The following PSD3 variants were observed in gnomAD, a reference collection of about 807,000 sequenced individuals.
PSD3 encodes pleckstrin and Sec7 domain containing 3.
In PSD3, 49 loss-of-function variants were observed where a neutral mutation model predicts 105.5. The ratio of observed to expected loss-of-function variants is 0.46; its 90% confidence interval spans 0.37 to 0.59. PSD3 has a LOEUF of 0.59. Ranked by LOEUF, PSD3 falls within the 20% of genes least tolerant of loss-of-function variation. The pLI is 0.00. For synonymous variants in PSD3, 557 were observed against 457.8 expected (o/e 1.22, Z -2.77); for missense variants, 1,561 against 1,263.8 (o/e 1.24, Z -3.57).
At chr8:18,646,764 T>C (rs1808067361) in intron 10 of PSD3, among the ~76,000 whole-genome samples, 3 of 152,122 alleles carry the variant, frequency 2.0e-5, no homozygotes, top group South Asian at 2.1e-4. Context: ...TACATTTTAA[T>C]TAATATGTAT....
chr8:18,888,164 A>C (rs1818557384), intron 2 of PSD3, among the ~76,000 whole-genome samples: 1 of 152,192 alleles, frequency 6.6e-6, no homozygotes. Context: ...TCGCAAGCCA[A>C]AAATATCCAC....
chr8:18,701,190 G>C (rs1008182063), intron 9 of PSD3, among the ~76,000 whole-genome samples: 3 of 148,392 alleles, frequency 2.0e-5, no homozygotes, highest in African/African-American at 7.4e-5. Context: ...GGTTGGTCTC[G>C]AACTCCTGGG....
intron 14 of PSD3, among the ~76,000 whole-genome samples, chr8:18,556,854 G>A (rs1012252100): frequency 1.1e-4 from 16 of 152,190 alleles, no homozygotes; most frequent in African/African-American, 3.9e-4. Flanking sequence ...CTTCTCTGAA[G>A]CTTACCAGAT....
intron 1 of PSD3, among the ~76,000 whole-genome samples, chr8:18,968,434 G>C (rs909978262): frequency 6.6e-6 from 1 of 152,208 alleles, no homozygotes; most frequent in African/African-American, 2.4e-5. Context: ...AAGGAATCCT[G>C]AGCAAATCAT....
intron 12 of PSD3, among the ~76,000 whole-genome samples, chr8:18,577,148 A>G (rs527377139): frequency 7.9e-5 from 12 of 151,960 alleles, no homozygotes; most frequent in Non-Finnish European, 1.3e-4. Context: ...TGTAGTTTTA[A>G]TTTTTTATCT....
At chr8:18,922,515 G>A (rs1272305383) in intron 2 of PSD3, among the ~76,000 whole-genome samples, 1 of 152,124 alleles carries the variant, frequency 6.6e-6, no homozygotes, top group East Asian at 1.9e-4. Flanking sequence ...GTGACCAAAT[G>A]TTTTCCCCAC....
intron 1 of PSD3, among the ~76,000 whole-genome samples, chr8:18,954,610 C>T (rs1823446702): frequency 6.6e-6 from 1 of 152,160 alleles, no homozygotes; most frequent in Admixed American, 6.5e-5. Context: ...CACTGTCTAT[C>T]ATATTCCAAT....
At chr8:18,884,556 G>A (rs1490707807) in intron 2 of PSD3, among the ~76,000 whole-genome samples, 2 of 152,164 alleles carry the variant, frequency 1.3e-5, no homozygotes, top group Non-Finnish European at 2.9e-5. Flanking sequence ...AATCCAGGAT[G>A]CTGGCTATTG....
chr8:18,839,455 C>T (rs577606866), intron 4 of PSD3, among the ~76,000 whole-genome samples: 16 of 152,284 alleles, frequency 1.1e-4, no homozygotes, highest in African/African-American at 3.6e-4. Flanking sequence ...GACATGAGAA[C>T]ACCTCCCATT....
At chr8:18,837,702 G>C (rs1228804438) in intron 4 of PSD3, among the ~76,000 whole-genome samples, 1 of 152,196 alleles carries the variant, frequency 6.6e-6, no homozygotes, top group Non-Finnish European at 1.5e-5. Flanking sequence ...ACTTTGGGAG[G>C]CTGAAACAGG....
At chr8:18,803,938 C>T (rs76698734) in intron 6 of PSD3, among the ~76,000 whole-genome samples, 7,370 of 137,054 alleles carry the variant, frequency 0.054, 259 homozygotes, top group Non-Finnish European at 0.08. Flanking sequence ...AGATTTTATG[C>T]TATCTGTATT....
intron 9 of PSD3, among the ~76,000 whole-genome samples, chr8:18,720,723 C>G (rs1275594319): frequency 6.6e-6 from 1 of 152,148 alleles, no homozygotes; most frequent in Non-Finnish European, 1.5e-5. Context: ...AGATGGCATA[C>G]AATACCAGTC....
intron 1 of PSD3, among the ~76,000 whole-genome samples, chr8:19,070,047 C>T (rs1439749276): frequency 2.6e-5 from 4 of 151,368 alleles, no homozygotes; most frequent in Non-Finnish European, 4.4e-5. Context: ...AGAGTTTAGG[C>T]GATTCTCCTG....
chr8:18,727,971 T>A (rs924053028), intron 9 of PSD3, among the ~76,000 whole-genome samples: 4 of 152,070 alleles, frequency 2.6e-5, no homozygotes, highest in Non-Finnish European at 4.4e-5. Context: ...GGGCAGGGAT[T>A]TTTCACTGTT....
chr8:18,903,938 G>A (rs141454417), intron 2 of PSD3, among the ~76,000 whole-genome samples: 2 of 152,140 alleles, frequency 1.3e-5, no homozygotes, highest in Admixed American at 6.6e-5. Context: ...GGCGGGGAGA[G>A]GGGTAGGTGA....
At chr8:18,705,634 A>G (rs564745884) in intron 9 of PSD3, among the ~76,000 whole-genome samples, 1 of 152,034 alleles carries the variant, frequency 6.6e-6, no homozygotes, top group Non-Finnish European at 1.5e-5. Context: ...ACATATTGAT[A>G]TGTAAAGATC....
intron 4 of PSD3, among the ~76,000 whole-genome samples, chr8:18,805,858 T>C (rs1237366318): frequency 1.3e-5 from 2 of 152,204 alleles, no homozygotes; most frequent in East Asian, 3.8e-4. Flanking sequence ...TTGCTACAAA[T>C]TATTATCAGC....
At chr8:18,556,549 T>C (rs1431718961) in intron 14 of PSD3, among the ~76,000 whole-genome samples, 197 bp from the exon 15 acceptor site, 1 of 152,160 alleles carries the variant, frequency 6.6e-6, no homozygotes, top group Non-Finnish European at 1.5e-5. Context: ...GGGATGGCAA[T>C]CAAGGCCAAC....
intron 11 of PSD3, among the ~76,000 whole-genome samples, chr8:18,620,476 A>C (rs1806034749): frequency 6.6e-6 from 1 of 151,742 alleles, no homozygotes; most frequent in Non-Finnish European, 1.5e-5. Flanking sequence ...TTGGGAGGCC[A>C]AGCCTGGTGG....
Sources: gnomAD v4.1 joint callset for allele counts (sites outside exome capture counted in the v4.1 genomes callset) on GRCh38, gnomAD v4.1.1 for gene constraint, MANE v1.5 for transcripts, NCBI Gene and HGNC (gene_info 2026-07-23, HGNC 2026-07-21) for gene names.